CFAP74: variants seen among roughly 807,000 people sequenced by gnomAD.
CFAP74 encodes the protein cilia- and flagella-associated protein 74.
Under a neutral mutation model 188.9 loss-of-function variants are expected in CFAP74, and 124 were observed. That is an observed-to-expected ratio of 0.66 (90% CI 0.57 to 0.76). CFAP74 has a LOEUF of 0.76. Ranked by LOEUF, CFAP74 falls within the 30% of genes least tolerant of loss-of-function variation. The pLI, the probability that CFAP74 is intolerant of heterozygous loss-of-function variation, is 0.00. For missense variants in CFAP74, 2,198 were observed against 2,165.2 expected, an observed-to-expected ratio of 1.02 and a Z score of -0.30; for synonymous variants, 956 against 916.7, an observed-to-expected ratio of 1.04 and a Z score of -0.77.
intron 25 of CFAP74, among the ~76,000 whole-genome samples, chr1:1,938,402 C>T (rs1426913921): frequency 1.3e-5 from 2 of 151,564 alleles, no homozygotes; most frequent in African/African-American, 4.9e-5. Context: ...AGGCACTCAC[C>T]CCCATACACT....
rs2102032080 is a variant in CFAP74 at position 1,927,702 on chromosome 1, C to G, written c.3432G>C (p.Leu1144=). Reference sequence around the variant, plus strand: ...TCTGTGCTCGAAGAACGGAGAATGACAGTCCATGCAGGTCCTTCCTCTGGG... The same window carrying G: ...TCTGTGCTCGAAGAACGGAGAATGAGAGTCCATGCAGGTCCTTCCTCTGGG... ...MAPQRKDLHG[L]SFSVLRAQNR... is the part of the protein sequence containing the mutation. The change falls in exon 28 of 39, where the codon CTG becomes CTC. Residue 1144 remains leucine (L), a synonymous_variant. Coordinates refer to ENST00000682832, the MANE Select transcript of CFAP74 (RefSeq NM_001304360.2). The G allele has an allele frequency of 6.5e-7, 1 of 1,550,200 alleles. No individual in the cohort carries two copies. Among genetic ancestry groups the G allele is most frequent in the African/African-American group, 1.4e-5 (1 of 73,178 alleles).
chr1:1,970,526 C>T, intron 10 of CFAP74, 133 bp downstream of exon 10: 2 of 1,017,090 alleles, frequency 2.0e-6, no homozygotes, highest in Non-Finnish European at 2.8e-6. Context: ...GTTCCCGTGC[C>T]CCACAGCCGC....
chr1:1,958,221 A>G (rs1449392182), intron 16 of CFAP74, among the ~76,000 whole-genome samples: 2 of 152,138 alleles, frequency 1.3e-5, no homozygotes, highest in East Asian at 1.9e-4. Flanking sequence ...GCGTCTGCTG[A>G]TCTTCCTGGG....
At chr1:1,985,838 C>G (rs1211406067) in intron 5 of CFAP74, among the ~76,000 whole-genome samples, 1 of 152,250 alleles carries the variant, frequency 6.6e-6, no homozygotes, top group Admixed American at 6.5e-5. Context: ...CGTCAGGGCG[C>G]CCTGGGTCCC....
At chr1:1,944,565 ACT>A in intron 20 of CFAP74, 113 bp from the exon 21 acceptor site, 1 of 1,057,846 alleles carries the variant, frequency 9.5e-7, no homozygotes, top group Non-Finnish European at 1.4e-6. Context: ...GAGTTTTCTA[ACT>A]CTTTGGGACG....
At chr1:1,945,090 G>A (rs905779620) in intron 20 of CFAP74, among the ~76,000 whole-genome samples, 11 of 152,076 alleles carry the variant, frequency 7.2e-5, no homozygotes, top group Non-Finnish European at 1.0e-4. Flanking sequence ...GAGGATGCTT[G>A]AGCCCAGGAG....
chr1:1,987,011 C>T lies in CFAP74; in HGVS notation c.321G>A (p.Gln107=), dbSNP rs1434960708. 15 of 1,600,276 alleles carry T rather than the reference C, an allele frequency of 9.4e-6. No homozygotes were observed. The highest frequency in any genetic ancestry group is 2.2e-5 in the East Asian group (1 of 44,770). ...KMRGELRACR[Q]RRDLIDKQQE... Reference sequence around the variant, plus strand: ...GCTGCTTGTCGATCAGGTCCCGCCTCTGCCGACAGGCGCGCAGCTCCCCTC... The same window carrying T: ...GCTGCTTGTCGATCAGGTCCCGCCTTTGCCGACAGGCGCGCAGCTCCCCTC... The change falls in exon 5 of 39, where the codon CAG becomes CAA. Residue 107 remains glutamine (Q), a synonymous_variant. Coordinates refer to ENST00000682832, the MANE Select transcript of CFAP74 (RefSeq NM_001304360.2).
intron 6 of CFAP74, among the ~76,000 whole-genome samples, chr1:1,977,131 A>T (rs1054744016): frequency 6.6e-6 from 1 of 151,986 alleles, no homozygotes. Flanking sequence ...TACAGATGTG[A>T]GCCACCTCGC....
At chr1:1,995,823 G>T (rs1657887708) in intron 1 of CFAP74, among the ~76,000 whole-genome samples, 1 of 151,372 alleles carries the variant, frequency 6.6e-6, no homozygotes, top group South Asian at 2.1e-4. Flanking sequence ...CAGGAGAATG[G>T]CATGAACCCG....
chr1:1,922,443 G>T, intron 38 of CFAP74, 55 bp from the exon 39 acceptor site: 2 of 1,557,044 alleles, frequency 1.3e-6, no homozygotes. Context: ...ACCCAGAGGA[G>T]ATCTGCTGTC....
At chr1:2,000,184 C>T (rs1003374869) in intron 1 of CFAP74, among the ~76,000 whole-genome samples, 6 of 152,048 alleles carry the variant, frequency 3.9e-5, no homozygotes, top group African/African-American at 1.4e-4. Context: ...AAAAAGAAAA[C>T]CTACAAAGTA....
chr1:1,947,365 A>G (rs1460272146), intron 18 of CFAP74, among the ~76,000 whole-genome samples: 1 of 152,240 alleles, frequency 6.6e-6, no homozygotes, highest in African/African-American at 2.4e-5. Flanking sequence ...ATTCTAAAAC[A>G]GTGTCATCTT....
chr1:1,981,006 AGCGGCCAGCCTCGTG>A (rs1284866940), intron 6 of CFAP74, among the ~76,000 whole-genome samples: 2 of 152,250 alleles, frequency 1.3e-5, no homozygotes, highest in African/African-American at 4.8e-5. Context: ...GTCCCGAAGC[AGCGGCCAGCCTCGTG>A]GCCGCCACCT....
chr1:1,960,002 C>T lies in CFAP74; in HGVS notation c.1723G>A (p.Gly575Arg), dbSNP rs78550692. ...GTGACAAGCACTTCACAGGACATTC[C>T]GGCTGACAGGGGGCCAGGGGGGTCA... is the stretch of plus-strand genomic sequence containing the variant. ...DFDPPGPLSA[G>R]MSCEVLVTFK... The change falls in exon 15 of 39, where the codon GGA (glycine) becomes AGA (arginine). Residue 575 changes from glycine to arginine, a missense_variant. Transcript: ENST00000682832. 2.0e-4 allele frequency: 326 copies of T among 1,595,640 alleles called. No individual in the cohort carries two copies. Among genetic ancestry groups the T allele is most frequent in the East Asian group, 8.5e-4 (36 of 42,440 alleles).
At chr1:1,924,714 C>T (rs1429923644) in intron 33 of CFAP74, among the ~76,000 whole-genome samples, 194 bp from the exon 34 acceptor site, 1 of 152,192 alleles carries the variant, frequency 6.6e-6, no homozygotes, top group Admixed American at 6.5e-5. Flanking sequence ...TCTCATCAGC[C>T]TTTGCTAGGC....
chr1:2,000,347 G>A (rs1039975716), intron 1 of CFAP74, among the ~76,000 whole-genome samples: 4 of 152,224 alleles, frequency 2.6e-5, no homozygotes, highest in African/African-American at 9.7e-5. Flanking sequence ...CCCCTAACAC[G>A]CGCATGGGTT....
intron 10 of CFAP74, among the ~76,000 whole-genome samples, chr1:1,970,381 C>T (rs935942398): frequency 4.1e-4 from 62 of 152,016 alleles, no homozygotes; most frequent in African/African-American, 1.4e-3. Flanking sequence ...GAGCCGGAGG[C>T]TCTCGACAGG....
chr1:1,954,849 G>A (rs988828049), intron 18 of CFAP74: 81 of 1,148,416 alleles, frequency 7.1e-5, no homozygotes, highest in Non-Finnish European at 8.6e-5. Context: ...ATGCAGGCAT[G>A]AGCCCCAGCC....
At chr1:1,939,862 G>T in intron 23 of CFAP74, 95 bp from the exon 24 acceptor site, 2 of 1,214,042 alleles carry the variant, frequency 1.6e-6, no homozygotes, top group Non-Finnish European at 2.3e-6. Context: ...GCTGCCTTGT[G>T]GCCATGGCCC....
Sources: gnomAD v4.1 joint callset for allele counts (sites outside exome capture counted in the v4.1 genomes callset) on GRCh38, gnomAD v4.1.1 for gene constraint, MANE v1.5 for transcripts, NCBI Gene and HGNC (gene_info 2026-07-23, HGNC 2026-07-21) for gene names.